SDAD1: variants seen among roughly 807,000 people sequenced by gnomAD.
SDAD1 encodes SDA1 domain containing 1, also known as protein SDA1 homolog.
Under a neutral mutation model 100.3 loss-of-function variants are expected in SDAD1, and 79 were observed. That is an observed-to-expected ratio of 0.79 (90% confidence interval 0.66 to 0.95). The LOEUF is 0.95. Among genes scored for constraint, SDAD1 ranks in the 40% least tolerant of loss-of-function variants. The pLI, the probability that SDAD1 is intolerant of heterozygous loss-of-function variation, is 0.00. For synonymous variants in SDAD1, 267 were observed against 271.4 expected, an observed-to-expected ratio of 0.98 and a Z score of 0.16; for missense variants, 790 against 810.9, an observed-to-expected ratio of 0.97 and a Z score of 0.31.
chr4:75,964,258 T>C, intron 13 of SDAD1, 47 bp from the exon 14 acceptor site: 3 of 1,218,344 alleles, frequency 2.5e-6, no homozygotes, highest in Non-Finnish European at 2.4e-6. Context: ...AATGTCTGCA[T>C]ACACAAACAC....
At chr4:75,956,176 ATACT>A in intron 20 of SDAD1, 40 bp from the exon 21 acceptor site, 1 of 1,568,804 alleles carries the variant, frequency 6.4e-7, no homozygotes, top group Non-Finnish European at 8.6e-7. Context: ...CTTCAACAAC[ATACT>A]TTAGGAGTCA....
At chr4:75,988,666 T>C (rs1330415523) in intron 1 of SDAD1, among the ~76,000 whole-genome samples, 1 of 152,218 alleles carries the variant, frequency 6.6e-6, no homozygotes, top group African/African-American at 2.4e-5. Flanking sequence ...CTCAATATTA[T>C]GTAGTCCCAG....
chr4:75,974,402 CAAAA>C (rs36025367), intron 6 of SDAD1, among the ~76,000 whole-genome samples: 5 of 110,878 alleles, frequency 4.5e-5, no homozygotes, highest in African/African-American at 3.1e-5. Flanking sequence ...TAGTCAAGTG[CAAAA>C]AAAAAAAAAA....
intron 20 of SDAD1, 140 bp from the exon 21 acceptor site, chr4:75,956,276 T>C (rs1245510595): frequency 5.9e-6 from 5 of 853,848 alleles, no homozygotes; most frequent in Non-Finnish European, 8.9e-6. Context: ...TCTTTGCTCC[T>C]TGGGACCAAG....
Position 75,971,450 on chromosome 4 carries a change from T to C in SDAD1, c.720A>G (p.Gly240=). 1 of 1,609,378 alleles carries C rather than the reference T, an allele frequency of 6.2e-7. No homozygotes were observed. Among genetic ancestry groups the C allele is most frequent in the South Asian group, 1.1e-5 (1 of 90,616 alleles). Residue 240 remains glycine, a synonymous_variant, in exon 9 of 22, where the codon GGA becomes GGG. Transcript: ENST00000356260. ...QDSDSESEDD[G]PTARDLLVQY... ...GTACTAGCAGGTCTCTTGCTGTTGG[T>C]CCATCATCCTAAAGAAGAAATTACT...
At chr4:75,969,210 G>A in intron 11 of SDAD1, 86 bp downstream of exon 11, 1 of 875,702 alleles carries the variant, frequency 1.1e-6, no homozygotes, top group Non-Finnish European at 1.8e-6. Flanking sequence ...ATAAAATTAA[G>A]CCACTGCTCT....
rs530804895 is a variant in SDAD1, at chr4:75,986,916, G to C, written c.90+3836C>G. Among the ~76,000 whole-genome samples the C allele has an allele frequency of 1.1e-4, 17 of 152,118 alleles. No individual in the cohort carries two copies. In the East Asian group the frequency reaches 3.3e-3, roughly 29 times the overall value. On this transcript the variant is annotated intron_variant, in intron 1 of 21. Coordinates refer to ENST00000356260, the MANE Select transcript of SDAD1 (RefSeq NM_018115.4). Reference sequence around the variant, plus strand: ...ACTTGTGGTCCCAGCTACCCTGGAGGCTGAGGCGGGAGGATTGCTTGAGCC... The same window carrying C: ...ACTTGTGGTCCCAGCTACCCTGGAGCCTGAGGCGGGAGGATTGCTTGAGCC...
intron 3 of SDAD1, 71 bp downstream of exon 3, chr4:75,981,301 C>A (rs1253285558): frequency 7.3e-7 from 1 of 1,376,536 alleles, no homozygotes; most frequent in Non-Finnish European, 1.0e-6. Context: ...AGAGGCTGTT[C>A]TCATTTAAAT....
At chr4:75,963,640 G>T (rs557939323) in intron 14 of SDAD1, among the ~76,000 whole-genome samples, 10 of 152,190 alleles carry the variant, frequency 6.6e-5, no homozygotes, top group Admixed American at 3.3e-4. Context: ...CTTGGGAGAA[G>T]GTCCCTTATC....
chr4:75,975,670 T>C (rs1730114761), intron 6 of SDAD1, 74 bp downstream of exon 6: 2 of 987,640 alleles, frequency 2.0e-6, no homozygotes, highest in Admixed American at 2.1e-5. Flanking sequence ...AGAAAAGTAT[T>C]TGTATATGTG....
Position 75,971,432 on chromosome 4 carries a change from C to T in SDAD1, c.738G>A (p.Leu246=), listed in dbSNP as rs570162032. ...SEDDGPTARD[L]LVQYATGKKS... is the part of the protein sequence containing the mutation. Reference sequence around the variant, plus strand: ...TCTTCCCTGTAGCATATTGTACTAGCAGGTCTCTTGCTGTTGGTCCATCAT... The same window carrying T: ...TCTTCCCTGTAGCATATTGTACTAGTAGGTCTCTTGCTGTTGGTCCATCAT... The change falls in exon 9 of 22, where the codon CTG becomes CTA. Residue 246 remains leucine, a synonymous_variant. Coordinates refer to ENST00000356260, the MANE Select transcript of SDAD1 (RefSeq NM_018115.4). 3 of 1,613,776 alleles carry T rather than the reference C, an allele frequency of 1.9e-6. No individual in the cohort carries two copies. Among genetic ancestry groups the T allele is most frequent in the African/African-American group, 2.7e-5 (2 of 75,006 alleles).
intron 1 of SDAD1, among the ~76,000 whole-genome samples, chr4:75,984,728 CCATA>C (rs1730765856): frequency 6.7e-6 from 1 of 149,146 alleles, no homozygotes; most frequent in South Asian, 2.2e-4. Context: ...TACTCTCCAC[CCATA>C]CATAGTCTAT....
Position 75,973,348 on chromosome 4 carries a change from T to C in SDAD1, c.680A>G (p.Asp227Gly). ...TTCGGAGTCACTGTCCTGTTTTTCA[T>C]CTTCATCTTTCCCAAGAAAGAATGT... ...ALTFFLGKDE[D>G]EKQDSDSESE... is the part of the protein sequence containing the mutation. Residue 227 changes from aspartate to glycine, a missense_variant, in exon 8 of 22, where the codon GAT becomes GGT. By Grantham distance (94) the Asp-to-Gly change is moderately conservative. Transcript: ENST00000356260. 6.2e-7 allele frequency: 1 copy of C among 1,613,776 alleles called. No homozygotes were observed. The highest frequency in any genetic ancestry group is 8.5e-7 in the Non-Finnish European group (1 of 1,179,842).
chr4:75,961,769 C>A (rs180828218), intron 14 of SDAD1, among the ~76,000 whole-genome samples: 2 of 152,154 alleles, frequency 1.3e-5, no homozygotes, highest in East Asian at 3.9e-4. Flanking sequence ...CTAAATTGCC[C>A]TAGGAAAAAA....
chr4:75,989,235 T>A (rs1429956143), intron 1 of SDAD1, among the ~76,000 whole-genome samples: 2 of 152,222 alleles, frequency 1.3e-5, no homozygotes, highest in Admixed American at 6.5e-5. Context: ...ACCAGTAGCT[T>A]CTGCACTTTC....
chr4:75,977,580 C>G, intron 4 of SDAD1, 66 bp downstream of exon 4: 2 of 996,870 alleles, frequency 2.0e-6, no homozygotes, highest in South Asian at 1.3e-5. Flanking sequence ...ATCGATAATT[C>G]AAGAGACAAC....
chr4:75,987,017 TA>T lies in SDAD1; in HGVS notation c.90+3734del, dbSNP rs575128764. Among the ~76,000 whole-genome samples the T allele has an allele frequency of 9.8e-4, 146 of 148,362 alleles. 1 individual carries two copies. Among genetic ancestry groups the T allele is most frequent in the African/African-American group, 3.2e-3 (129 of 40,686 alleles). ...TGGGCAACAGAGCAAGACTGTGTCT[TA>T]AAAAAAAAAATCCTTTCTTGATTCC... On this transcript the variant is annotated intron_variant, in intron 1 of 21. Transcript: ENST00000356260.
intron 21 of SDAD1, among the ~76,000 whole-genome samples, chr4:75,953,369 C>T (rs966903729): frequency 1.3e-5 from 2 of 152,260 alleles, no homozygotes; most frequent in African/African-American, 4.8e-5. Context: ...TATAATGAAA[C>T]AAGGCCTACC....
In SDAD1 at chr4:75,977,755, G is replaced by C; in HGVS notation, c.296C>G (p.Thr99Arg). 6.3e-7 allele frequency: 1 copy of C among 1,588,042 alleles called. No homozygotes were observed. Among genetic ancestry groups the C allele is most frequent in the Non-Finnish European group, 8.6e-7 (1 of 1,159,064 alleles). ...HTVLDPDLRM[T>R]FCKALILLRN... is the part of the protein sequence containing the mutation. ...CAGCAAGATCAAAGCTTTGCAAAATGTCTCGGGAAGGAAAAAAACATACCA... is the reference window on the plus strand; with the variant it reads ...CAGCAAGATCAAAGCTTTGCAAAATCTCTCGGGAAGGAAAAAAACATACCA... The change falls in exon 4 of 22, where the codon ACA becomes AGA. Residue 99 changes from threonine to arginine, a missense_variant and splice_region_variant. Thr to Arg is a moderately conservative substitution (Grantham distance 71). Transcript: ENST00000356260.
Sources: gnomAD v4.1 joint callset for allele counts (sites outside exome capture counted in the v4.1 genomes callset) on GRCh38, gnomAD v4.1.1 for gene constraint, MANE v1.5 for transcripts, NCBI Gene and HGNC (gene_info 2026-07-23, HGNC 2026-07-21) for gene names.